NEDD9: variants seen among roughly 807,000 people sequenced by gnomAD.
NEDD9 encodes the protein neural precursor cell expressed, developmentally down-regulated 9, also known as enhancer of filamentation 1.
NEDD9 carries 26 observed loss-of-function variants against 76.6 expected under a neutral mutation model. The observed-to-expected ratio is 0.34, with a 90% CI of 0.25 to 0.47. NEDD9 has a LOEUF of 0.47. Ranked by LOEUF, NEDD9 falls within the 20% of genes least tolerant of loss-of-function variation. NEDD9 has a pLI of 1.00. For missense variants in NEDD9, 937 were observed against 1,058.5 expected (o/e 0.89, Z 1.59); for synonymous variants, 392 against 414.2 (o/e 0.95, Z 0.65).
At chr6:11,314,281 A>G (rs1761474779) in intron 2 of NEDD9, among the ~76,000 whole-genome samples, 1 of 152,198 alleles carries the variant, frequency 6.6e-6, no homozygotes, top group South Asian at 2.1e-4. Context: ...CACCTGGTGC[A>G]TAGTAAGTGC....
chr6:11,326,966 G>C (rs1325080282), intron 2 of NEDD9, among the ~76,000 whole-genome samples: 1 of 152,254 alleles, frequency 6.6e-6, no homozygotes, highest in African/African-American at 2.4e-5. Context: ...TGTGTGGTGA[G>C]AAAAGGGATG....
rs1053564535 is a variant in NEDD9, at chr6:11,212,881, T to A, written c.459+400A>T. ...GATTCAGCTTTTGGCCAAGGGAGGA[T>A]CCTTGTTGCATCATCAGGCTTGTAC... On this transcript the variant is annotated intron_variant, in intron 2 of 6. Coordinates refer to ENST00000379446, the MANE Select transcript of NEDD9 (RefSeq NM_006403.4). Among the ~76,000 whole-genome samples, 5 of 152,194 alleles carry A rather than the reference T, an allele frequency of 3.3e-5. No homozygotes were observed. In the East Asian group the frequency reaches 9.6e-4, roughly 29 times the overall value.
At chr6:11,229,885 T>C (rs1581972263) in intron 1 of NEDD9, among the ~76,000 whole-genome samples, 1 of 152,224 alleles carries the variant, frequency 6.6e-6, no homozygotes, top group East Asian at 1.9e-4. Context: ...AAGCTATGTA[T>C]ATTAAGTGCA....
intron 2 of NEDD9, among the ~76,000 whole-genome samples, chr6:11,326,581 C>A (rs898262342): frequency 2.0e-5 from 3 of 152,218 alleles, no homozygotes; most frequent in Non-Finnish European, 4.4e-5. Flanking sequence ...ACTTTCAGAG[C>A]GGCATGGGTG....
chr6:11,349,105 C>G (rs1762416913), intron 1 of NEDD9, among the ~76,000 whole-genome samples: 1 of 151,982 alleles, frequency 6.6e-6, no homozygotes, highest in Non-Finnish European at 1.5e-5. Flanking sequence ...AAAAATTTGG[C>G]AAAGGACATA....
intron 2 of NEDD9, among the ~76,000 whole-genome samples, chr6:11,307,146 T>A (rs771280038): frequency 6.6e-6 from 1 of 152,170 alleles, no homozygotes; most frequent in African/African-American, 2.4e-5. Flanking sequence ...GAAGAGTGTC[T>A]GGCACATAAT....
At chr6:11,205,819 G>A (rs1758591681) in intron 2 of NEDD9, among the ~76,000 whole-genome samples, 1 of 152,132 alleles carries the variant, frequency 6.6e-6, no homozygotes, top group East Asian at 2.0e-4. Context: ...GTGGAGACGG[G>A]GTTTCATGGT....
chr6:11,229,226 C>T (rs960269835), intron 1 of NEDD9, among the ~76,000 whole-genome samples: 1 of 152,136 alleles, frequency 6.6e-6, no homozygotes. Flanking sequence ...TCAGTCAAAA[C>T]GTTAAAGAAT....
chr6:11,313,711 C>G (rs1472473756), intron 2 of NEDD9, among the ~76,000 whole-genome samples: 4 of 152,206 alleles, frequency 2.6e-5, no homozygotes, highest in African/African-American at 9.7e-5. Context: ...CCTTTGACCT[C>G]TCACTCTCTT....
rs539104029 is a variant in NEDD9, at chr6:11,243,375, TA to T, written c.13-29649del. 8.5e-5 allele frequency among the ~76,000 whole-genome samples: 13 copies of T among 152,320 alleles called. No individual in the cohort carries two copies. In the East Asian group the frequency reaches 2.5e-3, roughly 29 times the overall value. On this transcript the variant is annotated intron_variant, in intron 3 of 3. Coordinates refer to the NEDD9 transcript ENST00000397378. ...CATGATGATAATTGAATTCAGCTGA[TA>T]AAAAATCACTCTTGTCTAATGGCTG...
chr6:11,295,162 C>A (rs1336838451), intron 3 of NEDD9, among the ~76,000 whole-genome samples: 1 of 152,182 alleles, frequency 6.6e-6, no homozygotes, highest in Non-Finnish European at 1.5e-5. Context: ...TGAGAACAGA[C>A]TAATACAATT....
chr6:11,281,186 G>T (rs993027541), intron 3 of NEDD9, among the ~76,000 whole-genome samples: 3 of 152,198 alleles, frequency 2.0e-5, no homozygotes, highest in Non-Finnish European at 4.4e-5. Flanking sequence ...GTTGAACCAA[G>T]AACTACCCTT....
chr6:11,268,185 G>A (rs912577959), intron 3 of NEDD9, among the ~76,000 whole-genome samples: 8 of 151,942 alleles, frequency 5.3e-5, no homozygotes, highest in African/African-American at 1.5e-4. Flanking sequence ...ATGCGCCACC[G>A]AGACTGCATA....
At chr6:11,355,351 T>TA (rs1350040304) in intron 1 of NEDD9, among the ~76,000 whole-genome samples, 40 of 151,760 alleles carry the variant, frequency 2.6e-4, no homozygotes, top group Non-Finnish European at 5.0e-4. Context: ...TAGAAAAATT[T>TA]AAAAAAAAAT....
intron 1 of NEDD9, among the ~76,000 whole-genome samples, chr6:11,362,315 G>C (rs76164308): frequency 1.3e-5 from 2 of 152,226 alleles, no homozygotes; most frequent in East Asian, 3.9e-4. Flanking sequence ...TTTACAAGCC[G>C]CCTAGTCTAT....
At chr6:11,349,204 C>T (rs750779757) in intron 1 of NEDD9, among the ~76,000 whole-genome samples, 18 of 152,126 alleles carry the variant, frequency 1.2e-4, no homozygotes, top group Non-Finnish European at 2.4e-4. Context: ...AAAGGCACAT[C>T]AAAACTACAA....
chr6:11,318,177 T>C (rs1348509372), intron 2 of NEDD9, among the ~76,000 whole-genome samples: 1 of 152,206 alleles, frequency 6.6e-6, no homozygotes, highest in East Asian at 1.9e-4. Context: ...ATCAGCTCTC[T>C]TGGGTCCCCA....
rs151308383 is a variant in NEDD9, at chr6:11,249,962, C to G, written c.13-36235G>C. ...CCAGAGATTCCTGCCACAGGCAGGT[C>G]CTTTCCAGCTTTCTCCAGCCCACAG... On this transcript the variant is annotated intron_variant, in intron 3 of 3. Coordinates refer to the NEDD9 transcript ENST00000397378. Among the ~76,000 whole-genome samples, 574 of 152,318 alleles carry G rather than the reference C, an allele frequency of 3.8e-3. 2 individuals are homozygous for G. The highest frequency in any genetic ancestry group is 0.013 in the African/African-American group (555 of 41,578).
intron 1 of NEDD9, among the ~76,000 whole-genome samples, chr6:11,216,693 G>A (rs78629332): frequency 0.013 from 1,995 of 152,232 alleles, 80 homozygotes; most frequent in East Asian, 0.13. Flanking sequence ...GCATCCCTTT[G>A]GGCCTTAGTT....
Sources: allele counts gnomAD v4.1 joint callset (sites outside exome capture counted in the v4.1 genomes callset), GRCh38; gene constraint gnomAD v4.1.1; transcripts MANE v1.5; gene names NCBI Gene and HGNC (gene_info 2026-07-23, HGNC 2026-07-21).